Variants in FAM153A observed in about 807,000 individuals in gnomAD.
The protein encoded by FAM153A is protein FAM153A.
A neutral mutation model predicts 48.1 loss-of-function variants in FAM153A; 12 were observed. That is an observed-to-expected ratio of 0.25 (90% CI 0.16 to 0.40). The LOEUF is 0.40. Among genes scored for constraint, FAM153A ranks in the 10% least tolerant of loss-of-function variants. FAM153A has a pLI of 1.00. For missense variants in FAM153A, 111 were observed against 345.8 expected, an observed-to-expected ratio of 0.32 and a Z score of 5.38; for synonymous variants, 36 against 118.2, an observed-to-expected ratio of 0.30 and a Z score of 4.51.
At chr5:177,740,787 A>G (rs200149909) in exon 8 of FAM153A, 125,247 of 837,444 alleles carry the variant, frequency 0.15, 28,729 homozygotes, top group African/African-American at 0.28. Flanking sequence ...CTTCTGATGG[A>G]AAGCATACCC....
chr5:177,701,680 T>C, the FAM153A span, among the ~76,000 whole-genome samples: 3 of 151,820 alleles, frequency 2.0e-5, no homozygotes, highest in Admixed American at 1.3e-4. Context: ...GGGGCATTAC[T>C]GTAAAGATAG....
chr5:177,754,860 A>T (rs1767535038), upstream of FAM153A, among the ~76,000 whole-genome samples: 2 of 151,876 alleles, frequency 1.3e-5, 1 homozygote, highest in Admixed American at 1.3e-4. Flanking sequence ...TCAAAGACCA[A>T]GGGCAGATAA....
chr5:177,761,025 G>A (rs759415570), intron 1 of FAM153A, among the ~76,000 whole-genome samples: 63 of 151,780 alleles, frequency 4.2e-4, no homozygotes, highest in Non-Finnish European at 7.3e-4. Flanking sequence ...TCTGGGGACT[G>A]CAGAGAAGTC....
intron 18 of FAM153A, among the ~76,000 whole-genome samples, chr5:177,728,225 A>G (rs1762975485): frequency 9.7e-6 from 1 of 103,300 alleles, no homozygotes; most frequent in African/African-American, 3.6e-5. Flanking sequence ...GGGAAATTCA[A>G]CTCTGCAGCG....
intron 10 of FAM153A, among the ~76,000 whole-genome samples, chr5:177,737,518 T>A (rs1241785344): frequency 6.6e-6 from 1 of 150,958 alleles, no homozygotes; most frequent in Non-Finnish European, 1.5e-5. Flanking sequence ...CCTCCTAGAT[T>A]TATTATTATT....
At chr5:177,736,243 ATGT>A (rs1299758664) in intron 12 of FAM153A, among the ~76,000 whole-genome samples, 1 of 135,522 alleles carries the variant, frequency 7.4e-6, no homozygotes. Flanking sequence ...ATTGATCCTC[ATGT>A]TGTGCTTTGC....
chr5:177,705,600 C>CAAAAG (rs1382460447), downstream of FAM153A, among the ~76,000 whole-genome samples: 3 of 145,336 alleles, frequency 2.1e-5, no homozygotes, highest in Non-Finnish European at 4.5e-5. Context: ...ATAAATTTAA[C>CAAAAG]AAAAGAAGTG....
intron 5 of FAM153A, 94 bp downstream of exon 7, chr5:177,744,794 A>G: frequency 1.4e-6 from 1 of 728,790 alleles, no homozygotes; most frequent in Non-Finnish European, 2.1e-6. Context: ...TAACTAAGAT[A>G]CATATTGTCA....
rs1380760641 is a variant in FAM153A at position 177,729,404 on chromosome 5, G to A, written c.933+81C>T. The A allele has an allele frequency of 2.0e-5, 27 of 1,361,826 alleles. 2 individuals are homozygous for A. Among genetic ancestry groups the A allele is most frequent in the Non-Finnish European group, 2.5e-5 (25 of 992,366 alleles). 84.4% of individuals were successfully genotyped at this position (1,361,826 alleles called of 1,614,324 possible). ...AGTCACCTATAGTGTGTATGGTGAG[G>A]TGTATACATCTTAATTCAATTGAAA... On this transcript the variant is annotated intron_variant, in intron 17 of 20. Transcript: ENST00000614127.
downstream of FAM153A, among the ~76,000 whole-genome samples, chr5:177,705,949 C>T (rs76730618): frequency 0.12 from 18,230 of 151,474 alleles, 1,425 homozygotes; most frequent in East Asian, 0.34. Flanking sequence ...TGAGCCACCG[C>T]GCCCAGCCTA....
At chr5:177,728,361 T>A (rs1466345538) in intron 18 of FAM153A, among the ~76,000 whole-genome samples, 1 of 149,566 alleles carries the variant, frequency 6.7e-6, no homozygotes, top group Non-Finnish European at 1.5e-5. Flanking sequence ...ATCCTCGTGT[T>A]GTGCTTTGAA....
chr5:177,694,766 G>T, the FAM153A span, among the ~76,000 whole-genome samples: 1 of 100,564 alleles, frequency 9.9e-6, no homozygotes, highest in African/African-American at 4.3e-5. Context: ...GCTCAGGAGG[G>T]CTGTGTGTCC....
At chr5:177,708,823 A>T (rs565188803), downstream of FAM153A, among the ~76,000 whole-genome samples, 11 of 151,086 alleles carry the variant, frequency 7.3e-5, no homozygotes, top group African/African-American at 2.7e-4. Context: ...GACCGGGCTC[A>T]GTGGCTCACG....
At chr5:177,781,888 T>C (rs1217970140), upstream of FAM153A, among the ~76,000 whole-genome samples, 3 of 87,514 alleles carry the variant, frequency 3.4e-5, no homozygotes, top group African/African-American at 1.3e-4. Context: ...CCGGCTAATT[T>C]TTTTTTTTTT....
At chr5:177,713,692 C>T (rs1393190578) in intron 26 of FAM153A, 2 of 151,852 alleles carry the variant, frequency 1.3e-5, no homozygotes, top group Non-Finnish European at 2.9e-5. Flanking sequence ...AGGCGTGAGC[C>T]ACTTTGCCCA....
At chr5:177,717,323 TAATC>T (rs1760058620), downstream of FAM153A, 1 of 143,078 alleles carries the variant, frequency 7.0e-6, no homozygotes, top group Admixed American at 7.1e-5. Context: ...TTAGCTGTAT[TAATC>T]ATTTAAATTA....
rs747582446 is a variant in FAM153A, at chr5:177,737,114, T to C, written c.563-2A>G. The C allele has an allele frequency of 6.4e-7, 1 of 1,554,806 alleles. No individual in the cohort carries two copies. The highest frequency in any genetic ancestry group is 1.2e-5 in the South Asian group (1 of 85,398). On this transcript the variant is annotated splice_acceptor_variant, in intron 10 of 20. Transcript: ENST00000614127. LOFTEE classifies it high-confidence loss of function. ...GCTCCTCCAGGTCTTCCAGGTCACC[T>C]AGGAAACAGAGTCGCTATAAGCACA...
chr5:177,738,070 T>C (rs143927504), intron 10 of FAM153A, among the ~76,000 whole-genome samples: 91 of 149,702 alleles, frequency 6.1e-4, no homozygotes, highest in African/African-American at 2.1e-3. Context: ...GGCTCCAGCA[T>C]TAGGACAGCC....
upstream of FAM153A, among the ~76,000 whole-genome samples, chr5:177,755,554 T>C (rs1278123653): frequency 6.6e-6 from 1 of 151,480 alleles, no homozygotes; most frequent in Non-Finnish European, 1.5e-5. Flanking sequence ...AAAGCTGAAA[T>C]GAAGGAAAAA....
Sources: gnomAD v4.1 joint callset for allele counts (sites outside exome capture counted in the v4.1 genomes callset) on GRCh38, gnomAD v4.1.1 for gene constraint, MANE v1.5 for transcripts, NCBI Gene and HGNC (gene_info 2026-07-23, HGNC 2026-07-21) for gene names.